APPL1: variants seen among roughly 807,000 people sequenced by gnomAD.
APPL1 encodes the protein DCC-interacting protein 13-alpha.
APPL1 carries 42 observed loss-of-function variants against 106.8 expected under a neutral mutation model. The observed-to-expected ratio is 0.39, with a 90% CI of 0.31 to 0.51. The LOEUF is 0.51. Ranked by LOEUF, APPL1 falls within the 20% of genes least tolerant of loss-of-function variation. The pLI, the probability that APPL1 is intolerant of heterozygous loss-of-function variation, is 0.75. For missense variants in APPL1, 769 were observed against 858.2 expected, an observed-to-expected ratio of 0.90 and a Z score of 1.30; for synonymous variants, 263 against 281.8, an observed-to-expected ratio of 0.93 and a Z score of 0.67.
chr3:57,258,549 C>G (rs2060849207), intron 15 of APPL1, among the ~76,000 whole-genome samples: 1 of 152,198 alleles, frequency 6.6e-6, no homozygotes, highest in South Asian at 2.1e-4. Flanking sequence ...GCTTCCATCT[C>G]CAGTTCACTT....
Position 57,259,030 on chromosome 3 carries a change from G to A in APPL1, c.1433G>A (p.Arg478His), listed in dbSNP as rs142763260. Residue 478 changes from arginine (R) to histidine (H), a missense_variant and splice_region_variant, in exon 16 of 22, where the codon CGT (arginine) becomes CAT (histidine). Transcript: ENST00000288266. ...ATATTTTCTTCTAAACTTTTTAGGC[G>A]TACAAATCCATTTGGAGAATCTGGA... Reference protein sequence around the residue: ...QAKAFGQGGRRTNPFGESGGS... With the variant: ...QAKAFGQGGRHTNPFGESGGS... 79 of 1,611,358 alleles carry A rather than the reference G, an allele frequency of 4.9e-5. No individual in the cohort carries two copies. Among genetic ancestry groups the A allele is most frequent in the Middle Eastern group, 3.3e-4 (2 of 6,054 alleles).
At chr3:57,242,792 T>C (rs1439080982) in intron 6 of APPL1, 64 bp from the exon 7 acceptor site, 3 of 1,237,996 alleles carry the variant, frequency 2.4e-6, no homozygotes, top group Non-Finnish European at 3.6e-6. Context: ...GTGAAGACCA[T>C]TGAAAGCATT....
At chr3:57,227,979 T>G (rs2107592253) in intron 1 of APPL1, 42 bp downstream of exon 1, 2 of 1,396,956 alleles carry the variant, frequency 1.4e-6, no homozygotes, top group Non-Finnish European at 1.9e-6. Flanking sequence ...AGAGCCCAGC[T>G]GGCCGACCCC....
At chr3:57,248,848 G>T (rs2060788464) in intron 10 of APPL1, among the ~76,000 whole-genome samples, 2 of 151,848 alleles carry the variant, frequency 1.3e-5, no homozygotes, top group South Asian at 4.2e-4. Flanking sequence ...CCAGCCTGAG[G>T]GACAGAGTGA....
rs761594932 is a variant in APPL1 at position 57,260,633 on chromosome 3, A to G, written c.1701A>G (p.Pro567=). 1.5e-5 allele frequency: 24 copies of G among 1,605,864 alleles called. No individual in the cohort carries two copies. The highest frequency in any genetic ancestry group is 2.0e-5 in the Non-Finnish European group (24 of 1,175,318). ...PQTQVTRLTF[P]LPCVVLYATH... ...TCTGATGTTTTCTGTGGCAGTTTCC[A>G]TTACCTTGTGTAGTTTTGTATGCTA... Residue 567 remains proline, a synonymous_variant, in exon 19 of 22, where the codon CCA becomes CCG. Transcript: ENST00000288266.
intron 7 of APPL1, 121 bp from the exon 8 acceptor site, chr3:57,245,955 T>C (rs1188263580): frequency 3.2e-6 from 2 of 618,046 alleles, no homozygotes; most frequent in African/African-American, 1.9e-5. Flanking sequence ...TAATGCTCAA[T>C]TGCTTGTGAT....
At chr3:57,262,846 G>A (rs546301921) in intron 19 of APPL1, among the ~76,000 whole-genome samples, 1,160 of 81,892 alleles carry the variant, frequency 0.014, 18 homozygotes, top group African/African-American at 0.052. Context: ...GTGTGTGTGT[G>A]TATGCATTTT....
chr3:57,254,642 T>C (rs1236648609), intron 13 of APPL1, among the ~76,000 whole-genome samples: 1 of 152,190 alleles, frequency 6.6e-6, no homozygotes, highest in Admixed American at 6.5e-5. Context: ...TTCTTTTTTT[T>C]GAGACAGAGT....
chr3:57,269,844 G>A lies in APPL1; in HGVS notation c.*157G>A, dbSNP rs2107614589. 1.2e-6 allele frequency: 1 copy of A among 864,032 alleles called. No homozygotes were observed. Among genetic ancestry groups the A allele is most frequent in the East Asian group, 2.7e-5 (1 of 37,042 alleles). 53.5% of individuals were successfully genotyped at this position (864,032 alleles called of 1,614,324 possible). ...TTTTAAAAAAAAGATTGAACTTGAT[G>A]ACTTAGGTTTGCATTGATCTTTTTT... On this transcript the variant is annotated 3_prime_UTR_variant, in exon 22 of 22. Transcript: ENST00000288266.
At chr3:57,233,515 C>T (rs1328899461) in intron 1 of APPL1, among the ~76,000 whole-genome samples, 5 of 150,854 alleles carry the variant, frequency 3.3e-5, no homozygotes, top group African/African-American at 7.3e-5. Flanking sequence ...AGAAACGAAG[C>T]GGCAGATTTT....
At chr3:57,257,622 T>G (rs2060844307) in intron 15 of APPL1, among the ~76,000 whole-genome samples, 194 bp downstream of exon 15, 1 of 152,142 alleles carries the variant, frequency 6.6e-6, no homozygotes, top group African/African-American at 2.4e-5. Flanking sequence ...AGTTAAGGAG[T>G]TAAGATAATT....
intron 4 of APPL1, among the ~76,000 whole-genome samples, chr3:57,238,889 T>C (rs556906913): frequency 6.6e-6 from 1 of 152,296 alleles, no homozygotes; most frequent in South Asian, 2.1e-4. Flanking sequence ...ATTTTCATCA[T>C]CTCAAAGGAA....
chr3:57,246,255 T>C (rs762762851), intron 8 of APPL1, 33 bp downstream of exon 8: 13 of 1,452,178 alleles, frequency 9.0e-6, no homozygotes, highest in Non-Finnish European at 1.2e-5. Flanking sequence ...ATTATAACTG[T>C]CCTAAAAGTT....
chr3:57,247,487 T>G lies in APPL1; in HGVS notation c.704+10T>G. ...GAACAAGCGTTCAGAAGTAAGTATTTTTTTCCTTAAAATTGAAAATGAAAT... is the reference window on the plus strand; with the variant it reads ...GAACAAGCGTTCAGAAGTAAGTATTGTTTTCCTTAAAATTGAAAATGAAAT... On this transcript the variant is annotated intron_variant, in intron 9 of 21. Coordinates refer to ENST00000288266, the MANE Select transcript of APPL1 (RefSeq NM_012096.3). The G allele has an allele frequency of 6.5e-7, 1 of 1,539,604 alleles. No homozygotes were observed. The highest frequency in any genetic ancestry group is 9.0e-7 in the Non-Finnish European group (1 of 1,116,840).
At chr3:57,254,386 AC>A (rs2060824076) in intron 13 of APPL1, among the ~76,000 whole-genome samples, 1 of 152,244 alleles carries the variant, frequency 6.6e-6, no homozygotes, top group Non-Finnish European at 1.5e-5. Context: ...ACTTTAAGTA[AC>A]ATTTCAGATA....
chr3:57,238,016 CTT>C (rs750420190), intron 3 of APPL1, 27 bp from the exon 4 acceptor site: 1 of 1,561,432 alleles, frequency 6.4e-7, no homozygotes, highest in South Asian at 1.2e-5. Context: ...AGCATTGAAA[CTT>C]TACCTCATCT....
intron 12 of APPL1, among the ~76,000 whole-genome samples, chr3:57,253,319 GATAAAT>G (rs2060815235): frequency 6.6e-6 from 1 of 151,996 alleles, no homozygotes; most frequent in Admixed American, 6.5e-5. Flanking sequence ...GATATAAAAA[GATAAAT>G]ATAGATTATT....
At chr3:57,234,650 T>A (rs531560673) in intron 1 of APPL1, among the ~76,000 whole-genome samples, 87 of 151,614 alleles carry the variant, frequency 5.7e-4, no homozygotes, top group African/African-American at 1.9e-3. Context: ...AAAGATAATT[T>A]AAAAAAATTT....
chr3:57,263,362 A>T (rs2060877719), intron 19 of APPL1, among the ~76,000 whole-genome samples: 4 of 143,296 alleles, frequency 2.8e-5, no homozygotes, highest in Non-Finnish European at 6.1e-5. Context: ...TATTCATTCT[A>T]TTTTTTTTTT....
Sources: gnomAD v4.1 joint callset for allele counts (sites outside exome capture counted in the v4.1 genomes callset) on GRCh38, gnomAD v4.1.1 for gene constraint, MANE v1.5 for transcripts, NCBI Gene and HGNC (gene_info 2026-07-23, HGNC 2026-07-21) for gene names.